EHMT1: variants seen among roughly 807,000 people sequenced by gnomAD.
The protein encoded by EHMT1 is histone-lysine N-methyltransferase EHMT1.
In EHMT1, 15 loss-of-function variants were observed where a neutral mutation model predicts 147.2. The observed-to-expected ratio is 0.10, with a 90% CI of 0.07 to 0.16. The LOEUF is 0.16. Ranked by LOEUF, EHMT1 falls within the 10% of genes least tolerant of loss-of-function variation. EHMT1 has a pLI of 1.00. For missense variants in EHMT1, 1,587 were observed against 1,772.4 expected, an observed-to-expected ratio of 0.90 and a Z score of 1.88; for synonymous variants, 795 against 709.6, an observed-to-expected ratio of 1.12 and a Z score of -1.91.
chr9:137,623,421 T>TA lies in EHMT1; in HGVS notation c.21+4372_21+4373insA, dbSNP rs372197207. On this transcript the variant is annotated intron_variant, in intron 1 of 26. Coordinates refer to ENST00000460843, the MANE Select transcript of EHMT1 (RefSeq NM_024757.5). ...TGCGTGTCTGAAAATGTATTTACTC[T>TA]TTTTTTTTTTTGAGATGGAGGTCCG... Among the ~76,000 whole-genome samples the TA allele has an allele frequency of 5.2e-3, 698 of 133,112 alleles. 6 individuals carry two copies. Among genetic ancestry groups the TA allele is most frequent in the African/African-American group, 0.022 (641 of 29,284 alleles). The allele number at this position is 133,112 out of a possible 152,430, so 87.3% of individuals were successfully genotyped here. A position where few individuals can be genotyped will look rare whatever the true frequency, so the allele number is the denominator to read the frequency against.
intron 1 of EHMT1, among the ~76,000 whole-genome samples, chr9:137,661,653 T>A (rs112334472): frequency 0.014 from 2,055 of 151,938 alleles, 41 homozygotes; most frequent in African/African-American, 0.047. Context: ...GCCTGGCTAA[T>A]TTTTGTATTT....
At chr9:137,697,673 C>G (rs1367332064) in intron 1 of EHMT1, among the ~76,000 whole-genome samples, 1 of 152,094 alleles carries the variant, frequency 6.6e-6, no homozygotes, top group African/African-American at 2.4e-5. Flanking sequence ...ATATTCATTT[C>G]CAAAGTAGTT....
chr9:137,685,953 A>G (rs529936875), intron 1 of EHMT1, among the ~76,000 whole-genome samples: 7 of 152,118 alleles, frequency 4.6e-5, no homozygotes, highest in African/African-American at 1.7e-4. Flanking sequence ...TTATTTAGTC[A>G]GTCAGTCAGT....
At chr9:137,812,861 A>G (rs768770629) in intron 19 of EHMT1, 145 bp from the exon 20 acceptor site, 7 of 1,135,700 alleles carry the variant, frequency 6.2e-6, no homozygotes, top group Non-Finnish European at 9.0e-6. Flanking sequence ...TTGCAGAGTC[A>G]TTGCTGAGCA....
At chr9:137,620,791 A>C (rs1225771414) in intron 1 of EHMT1, among the ~76,000 whole-genome samples, 2 of 152,218 alleles carry the variant, frequency 1.3e-5, no homozygotes, top group East Asian at 3.8e-4. Context: ...GTAGGTGTTT[A>C]ATACATGACC....
chr9:137,815,627 G>A (rs2137790066), intron 22 of EHMT1: 1 of 409,080 alleles, frequency 2.4e-6, no homozygotes, highest in South Asian at 2.1e-5. Flanking sequence ...GAGCAACCCA[G>A]GAGCTGGCAG....
At chr9:137,654,226 T>G (rs1254554268) in intron 1 of EHMT1, among the ~76,000 whole-genome samples, 4 of 152,046 alleles carry the variant, frequency 2.6e-5, no homozygotes, top group Non-Finnish European at 5.9e-5. Flanking sequence ...TAGCCTGATG[T>G]GGTGGTGGGT....
At chr9:137,677,021 C>A (rs1401127626) in intron 1 of EHMT1, among the ~76,000 whole-genome samples, 1 of 152,046 alleles carries the variant, frequency 6.6e-6, no homozygotes, top group Non-Finnish European at 1.5e-5. Context: ...CAAAATTCTC[C>A]AACGCTTTTG....
Position 137,835,119 on chromosome 9 carries a change from G to A in EHMT1, c.*166G>A. On this transcript the variant is annotated 3_prime_UTR_variant, in exon 27 of 27. Coordinates refer to ENST00000460843, the MANE Select transcript of EHMT1 (RefSeq NM_024757.5). The stretch of plus-strand genomic sequence containing the variant: ...GCTGCAGCCCCTGCGGGCGGGTGTG[G>A]ATGCCTCCCAGCCACCTTCCCAGAC... 1 of 788,210 alleles carries A rather than the reference G, an allele frequency of 1.3e-6. No homozygotes were observed. Among genetic ancestry groups the A allele is most frequent in the Non-Finnish European group, 1.8e-6 (1 of 561,164 alleles). 48.8% of individuals were successfully genotyped at this position (788,210 alleles called of 1,614,324 possible). A position where few individuals can be genotyped will look rare whatever the true frequency, so the allele number is the denominator to read the frequency against.
intron 6 of EHMT1, among the ~76,000 whole-genome samples, chr9:137,751,955 G>C (rs1383117193): frequency 4.6e-5 from 7 of 152,192 alleles, no homozygotes; most frequent in Non-Finnish European, 7.3e-5. Flanking sequence ...TGTGTTTTGT[G>C]ATGTGTTTAT....
In EHMT1 at chr9:137,624,379, G is replaced by T. The variant is rs527581068; in HGVS notation, c.21+5330G>T. 4.4e-4 allele frequency among the ~76,000 whole-genome samples: 67 copies of T among 150,668 alleles called. No homozygotes were observed. The East Asian group carries it at 0.012, about 27-fold the overall frequency. On this transcript the variant is annotated intron_variant, in intron 1 of 26. Coordinates refer to ENST00000460843, the MANE Select transcript of EHMT1 (RefSeq NM_024757.5). The stretch of plus-strand genomic sequence containing the variant: ...CAGTTGCCCAGGCTGGCATGCAGTG[G>T]TGTGTGATCTTGTCTTTCTGCAACC...
rs540383702 is a variant in EHMT1 at position 137,723,194 on chromosome 9, T to A, written c.643-5155T>A. Among the ~76,000 whole-genome samples, 14 of 72,274 alleles carry A rather than the reference T, an allele frequency of 1.9e-4. 1 individual carries two copies. The highest frequency in any genetic ancestry group is 9.7e-4 in the Admixed American group (7 of 7,230). 47.4% of individuals were successfully genotyped at this position (72,274 alleles called of 152,430 possible). On this transcript the variant is annotated intron_variant, in intron 3 of 26. Transcript: ENST00000460843. Reference sequence around the variant, plus strand: ...CCTGAGTCCGGGGTGTGCCTGTGTCTGTGGTTCTGGGCCTGAGCCCGGGGT... The same window carrying A: ...CCTGAGTCCGGGGTGTGCCTGTGTCAGTGGTTCTGGGCCTGAGCCCGGGGT...
At chr9:137,687,213 T>TC (rs2134730562) in intron 1 of EHMT1, among the ~76,000 whole-genome samples, 1 of 152,366 alleles carries the variant, frequency 6.6e-6, no homozygotes, top group East Asian at 1.9e-4. Flanking sequence ...TAACACACTG[T>TC]CCTGATTATT....
chr9:137,669,486 G>A (rs1940238430), intron 1 of EHMT1, among the ~76,000 whole-genome samples: 4 of 112,282 alleles, frequency 3.6e-5, no homozygotes, highest in Admixed American at 1.3e-4. Context: ...CACAGCACGT[G>A]CACTGGACTC....
chr9:137,740,510 G>A (rs1947961770), intron 4 of EHMT1, among the ~76,000 whole-genome samples: 1 of 152,178 alleles, frequency 6.6e-6, no homozygotes, highest in African/African-American at 2.4e-5. Flanking sequence ...CTGAATCCCA[G>A]CCGTCTGGCT....
At chr9:137,678,561 C>G (rs1941616340) in intron 1 of EHMT1, among the ~76,000 whole-genome samples, 2 of 152,164 alleles carry the variant, frequency 1.3e-5, no homozygotes, top group Admixed American at 6.5e-5. Flanking sequence ...GCCTCACTCA[C>G]CTGGGATGAT....
intron 18 of EHMT1, among the ~76,000 whole-genome samples, chr9:137,808,566 GC>G (rs1381637906): frequency 4.0e-5 from 6 of 151,838 alleles, no homozygotes; most frequent in Admixed American, 2.0e-4. Context: ...TGTAGGCCAG[GC>G]TTGTCGTAAC....
intron 1 of EHMT1, chr9:137,697,230 G>T (rs1015882866): frequency 1.9e-5 from 5 of 262,512 alleles, no homozygotes; most frequent in Non-Finnish European, 4.1e-5. Flanking sequence ...GTAGTGAGCC[G>T]AGATGGTGCC....
chr9:137,820,077 G>A (rs1396694789), intron 25 of EHMT1: 1 of 152,228 alleles, frequency 6.6e-6, no homozygotes, highest in East Asian at 1.9e-4. Flanking sequence ...TATACCTGGA[G>A]AATAGGGCAC....
Sources: allele counts gnomAD v4.1 joint callset (sites outside exome capture counted in the v4.1 genomes callset), GRCh38; gene constraint gnomAD v4.1.1; transcripts MANE v1.5; gene names NCBI Gene and HGNC (gene_info 2026-07-23, HGNC 2026-07-21).